HSD17B14: variants seen among roughly 807,000 people sequenced by gnomAD.
HSD17B14 encodes hydroxysteroid 17-beta dehydrogenase 14.
In HSD17B14, 32 loss-of-function variants were observed where a neutral mutation model predicts 32.2. The observed-to-expected ratio is 0.99, with a 90% CI of 0.75 to 1.33. The LOEUF is 1.33. Ranked by LOEUF, HSD17B14 falls within the 40% of genes most tolerant of loss-of-function variation. The pLI, the probability that HSD17B14 is intolerant of heterozygous loss-of-function variation, is 0.00. For missense variants in HSD17B14, 370 were observed against 366.5 expected, an observed-to-expected ratio of 1.01 and a Z score of -0.08; for synonymous variants, 140 against 155.4, an observed-to-expected ratio of 0.90 and a Z score of 0.74.
intron 5 of HSD17B14, among the ~76,000 whole-genome samples, chr19:48,827,448 T>C (rs1043275109): frequency 2.6e-5 from 4 of 152,192 alleles, no homozygotes; most frequent in African/African-American, 9.7e-5. Flanking sequence ...TAAAAAGTGC[T>C]ATGCGGAGAA....
intron 5 of HSD17B14, among the ~76,000 whole-genome samples, chr19:48,830,640 C>G (rs1259987268): frequency 6.6e-6 from 1 of 152,006 alleles, no homozygotes; most frequent in Non-Finnish European, 1.5e-5. Context: ...AAGCAATCCT[C>G]CCGCCTCAGC....
Position 48,813,571 on chromosome 19 carries a change from G to T in HSD17B14, c.543-19C>A. The T allele has an allele frequency of 6.2e-7, 1 of 1,613,232 alleles. No individual in the cohort carries two copies. Among genetic ancestry groups the T allele is most frequent in the Non-Finnish European group, 8.5e-7 (1 of 1,179,248 alleles). ...GGAGATACTAGAGGAAGGGAGAGGG[G>T]GGATCAAAGCAATCTGTCTCGAACC... On this transcript the variant is annotated intron_variant, in intron 7 of 8. Coordinates refer to ENST00000263278, the MANE Select transcript of HSD17B14 (RefSeq NM_016246.3).
At chr19:48,822,184 GTAATGATGGTGATGA>G (rs979487613) in intron 5 of HSD17B14, among the ~76,000 whole-genome samples, 131 of 144,822 alleles carry the variant, frequency 9.0e-4, no homozygotes, top group Non-Finnish European at 1.3e-3. Flanking sequence ...GATGATGGTG[GTAATGATGGTGATGA>G]TGATGATGGT....
At chr19:48,818,816 A>G (rs1205434117) in intron 5 of HSD17B14, among the ~76,000 whole-genome samples, 1 of 152,098 alleles carries the variant, frequency 6.6e-6, no homozygotes, top group African/African-American at 2.4e-5. Flanking sequence ...CCTGGGCAAC[A>G]TACTGAGACC....
rs1485084544 is a variant in HSD17B14 at position 48,834,489 on chromosome 19, GA to G, written c.128-132del. 4.9e-5 allele frequency: 24 copies of G among 486,786 alleles called. 1 individual carries two copies. The highest frequency in any genetic ancestry group is 1.2e-4 in the Admixed American group (3 of 25,036). The allele number at this position is 486,786 out of a possible 1,614,324, so 30.2% of individuals were successfully genotyped here. A position where few individuals can be genotyped will look rare whatever the true frequency, so the allele number is the denominator to read the frequency against. ...TCCTGGGTCTGAGGGAGGAGGGGCTGAGGTCTGGACTCCTGGGTCTGAGGAA... is the reference window on the plus strand; with the variant it reads ...TCCTGGGTCTGAGGGAGGAGGGGCTGGGTCTGGACTCCTGGGTCTGAGGAA... On this transcript the variant is annotated intron_variant, in intron 2 of 8. Transcript: ENST00000263278.
At chr19:48,826,542 T>TATATATATATATATATATATATATAC in intron 5 of HSD17B14, among the ~76,000 whole-genome samples, 42 of 80,104 alleles carry the variant, frequency 5.2e-4, no homozygotes, top group African/African-American at 8.9e-4. Flanking sequence ...TATATATATA[T>TATATATATATATATATATATATATAC]ACACACACAC....
At chr19:48,827,406 GT>G (rs1304912057) in intron 5 of HSD17B14, among the ~76,000 whole-genome samples, 1 of 152,074 alleles carries the variant, frequency 6.6e-6, no homozygotes, top group African/African-American at 2.4e-5. Flanking sequence ...CATGTTGCTG[GT>G]GCTATATAAC....
In HSD17B14 at chr19:48,834,381, A is replaced by G. The variant is rs368480821; in HGVS notation, c.128-23T>C. Reference sequence around the variant, plus strand: ...ACTCTGCAGGGAGAGAAGAGCTGGGAGCCTGGACCCCTGGGTCTCAGGGAG... The same window carrying G: ...ACTCTGCAGGGAGAGAAGAGCTGGGGGCCTGGACCCCTGGGTCTCAGGGAG... On this transcript the variant is annotated intron_variant, in intron 2 of 8. Transcript: ENST00000263278. 1.5e-4 allele frequency: 240 copies of G among 1,566,132 alleles called. No individual in the cohort carries two copies. In the African/African-American group the frequency reaches 2.0e-3, roughly 13 times the overall value.
rs745342204 is a variant in HSD17B14 at position 48,815,951 on chromosome 19, G to T, written c.370-810C>A. Among the ~76,000 whole-genome samples, 78 of 151,112 alleles carry T rather than the reference G, an allele frequency of 5.2e-4. 1 individual carries two copies. Among genetic ancestry groups the T allele is most frequent in the East Asian group, 3.9e-4 (2 of 5,142 alleles). The stretch of plus-strand genomic sequence containing the variant: ...CAGGAGAACTACTTGAACCCGGGAG[G>T]TGGAGGTTGCAGTGAGCCAAGATTG... On this transcript the variant is annotated intron_variant, in intron 5 of 8. Coordinates refer to ENST00000263278, the MANE Select transcript of HSD17B14 (RefSeq NM_016246.3).
intron 6 of HSD17B14, among the ~76,000 whole-genome samples, chr19:48,814,695 T>A (rs1250683923): frequency 6.8e-6 from 1 of 146,994 alleles, no homozygotes; most frequent in African/African-American, 2.5e-5. Flanking sequence ...ACAAAAAAAA[T>A]TAGCTGGGTG....
intron 5 of HSD17B14, among the ~76,000 whole-genome samples, chr19:48,817,677 C>G (rs542657277): frequency 6.6e-6 from 1 of 152,298 alleles, no homozygotes; most frequent in South Asian, 2.1e-4. Context: ...TTTGTTTCTT[C>G]CCCAGCACTA....
chr19:48,818,228 T>A (rs2035087919), intron 5 of HSD17B14, among the ~76,000 whole-genome samples: 1 of 151,306 alleles, frequency 6.6e-6, no homozygotes. Flanking sequence ...GGAGAATCTC[T>A]TGATCCCGGG....
intron 5 of HSD17B14, among the ~76,000 whole-genome samples, chr19:48,825,805 C>T (rs1021934944): frequency 1.3e-5 from 2 of 151,880 alleles, no homozygotes; most frequent in African/African-American, 4.8e-5. Flanking sequence ...GTCCTGTTGA[C>T]CAACTTGACC....
chr19:48,834,156 G>A (rs949556109), intron 3 of HSD17B14, 120 bp downstream of exon 3: 12 of 759,842 alleles, frequency 1.6e-5, no homozygotes, highest in African/African-American at 7.0e-5. Context: ...AACCTTTGAC[G>A]AGTCCAGCGG....
intron 5 of HSD17B14, among the ~76,000 whole-genome samples, chr19:48,816,119 C>A (rs895978703): frequency 1.3e-5 from 2 of 151,876 alleles, no homozygotes; most frequent in Non-Finnish European, 2.9e-5. Flanking sequence ...TAAATACTCT[C>A]TCTGTGTGTG....
intron 6 of HSD17B14, among the ~76,000 whole-genome samples, chr19:48,814,686 C>CA (rs1011498345): frequency 1.0e-4 from 15 of 148,822 alleles, no homozygotes; most frequent in African/African-American, 2.7e-4. Flanking sequence ...CTAAAAAATA[C>CA]AAAAAAAATT....
chr19:48,827,170 G>A (rs1179838849), intron 5 of HSD17B14, among the ~76,000 whole-genome samples: 1 of 151,628 alleles, frequency 6.6e-6, no homozygotes, highest in Non-Finnish European at 1.5e-5. Context: ...AGCCTCATAA[G>A]AAGCTGGGAT....
At chr19:48,831,154 C>A (rs1298621963) in intron 5 of HSD17B14, among the ~76,000 whole-genome samples, 1 of 152,054 alleles carries the variant, frequency 6.6e-6, no homozygotes, top group African/African-American at 2.4e-5. Context: ...TCTTAACATC[C>A]CCTCCTACCA....
chr19:48,818,325 GAAA>G (rs1568518158), intron 5 of HSD17B14, among the ~76,000 whole-genome samples: 3 of 86,052 alleles, frequency 3.5e-5, no homozygotes, highest in Admixed American at 2.5e-4. Flanking sequence ...AAAGAAAAAA[GAAA>G]AAAGAAAAAG....
Sources: gnomAD v4.1 joint callset for allele counts (sites outside exome capture counted in the v4.1 genomes callset) on GRCh38, gnomAD v4.1.1 for gene constraint, MANE v1.5 for transcripts, NCBI Gene and HGNC (gene_info 2026-07-23, HGNC 2026-07-21) for gene names.